Variants in ZNF483 observed in about 807,000 individuals in gnomAD.
ZNF483 encodes zinc finger protein 483, also known as zinc finger protein HIT-10.
Under a neutral mutation model 28.6 loss-of-function variants are expected in ZNF483, and 9 were observed. That is an observed-to-expected ratio of 0.32 (90% confidence interval 0.19 to 0.55). The LOEUF (loss-of-function observed/expected upper bound fraction) is 0.55, where lower values mean the gene tolerates loss of function less well. ZNF483 is among the 20% of genes least tolerant of loss of function. ZNF483 has a pLI of 0.93. For missense variants in ZNF483, 675 were observed against 871.7 expected (o/e 0.77, Z 2.84); for synonymous variants, 322 against 306.2 (o/e 1.05, Z -0.54).
Position 111,549,904 on chromosome 9 carries a change from G to C in ZNF483, c.*6734G>C. ...TTGGTCTTCCTCATGTCCATTTTTT[G>C]TTGGTTTATTTTGTGCCTTTGAATG... On this transcript the variant is annotated 3_prime_UTR_variant, in exon 6 of 6. Transcript: ENST00000309235. 1 of 721,740 alleles carries C rather than the reference G, an allele frequency of 1.4e-6. No individual in the cohort carries two copies. 44.7% of individuals were successfully genotyped at this position (721,740 alleles called of 1,614,324 possible). A position where few individuals can be genotyped will look rare whatever the true frequency, so the allele number is the denominator to read the frequency against.
At position 111,553,462 on chromosome 9, in the gene ZNF483, T is replaced by G. The variant is rs1828031682; in HGVS notation, c.*10292T>G. On this transcript the variant is annotated 3_prime_UTR_variant, in exon 6 of 6. Coordinates refer to ENST00000309235, the MANE Select transcript of ZNF483 (RefSeq NM_133464.5). ...TTTACATAGGTATCACTGTAACTTG[T>G]GCTGTTTGCATAGGTATACTCTATC... 1.3e-5 allele frequency among the ~76,000 whole-genome samples: 2 copies of G among 152,220 alleles called. No individual in the cohort carries two copies. The highest frequency in any genetic ancestry group is 2.9e-5 in the Non-Finnish European group (2 of 68,026).
rs1827856597 is a variant in ZNF483, at chr9:111,548,570, C to T, written c.*5400C>T. ...ATCTGCAAATAGATAATTTTTCCTT[C>T]TTCCTAATTTGGATGGCTTTAACTT... On this transcript the variant is annotated 3_prime_UTR_variant, in exon 6 of 6. Coordinates refer to ENST00000309235, the MANE Select transcript of ZNF483 (RefSeq NM_133464.5). Among the ~76,000 whole-genome samples the T allele has an allele frequency of 6.6e-6, 1 of 152,174 alleles. No homozygotes were observed. The highest frequency in any genetic ancestry group is 1.5e-5 in the Non-Finnish European group (1 of 68,020).
At chr9:111,525,611 C>G (rs1358510200) in intron 1 of ZNF483, among the ~76,000 whole-genome samples, 1 of 152,164 alleles carries the variant, frequency 6.6e-6, no homozygotes, top group South Asian at 2.1e-4. Flanking sequence ...GTCGAGCTAA[C>G]CAAAAATGTG....
At chr9:111,566,158 G>A (rs775427918) in intron 5 of ZNF483, among the ~76,000 whole-genome samples, 10 of 152,024 alleles carry the variant, frequency 6.6e-5, no homozygotes, top group Non-Finnish European at 1.5e-4. Context: ...AGCTGAGATC[G>A]CGCCACTGCA....
intron 5 of ZNF483, among the ~76,000 whole-genome samples, chr9:111,537,492 C>T (rs997090135): frequency 6.6e-6 from 1 of 152,184 alleles, no homozygotes. Context: ...GGTTTACAGG[C>T]GTGAGCCACA....
chr9:111,562,268 GCAGTAA>G (rs1242076687), intron 5 of ZNF483, among the ~76,000 whole-genome samples: 1 of 147,762 alleles, frequency 6.8e-6, no homozygotes, highest in Non-Finnish European at 1.5e-5. Flanking sequence ...GGTCACAGAA[GCAGTAA>G]ACTTTTTTTT....
chr9:111,544,494 C>CCAGGACCAGCTGAG lies in ZNF483; in HGVS notation c.*1324_*1325insCAGGACCAGCTGAG. On this transcript the variant is annotated 3_prime_UTR_variant, in exon 6 of 6. Transcript: ENST00000309235. ...ATTTATGTAAAGCACTCAGCTGGTC[C>CCAGGACCAGCTGAG]TGGGTAGCAGCTGCCACCTTTTGAT... The CCAGGACCAGCTGAG allele has an allele frequency of 2.2e-6, 1 of 461,372 alleles. No individual in the cohort carries two copies. The highest frequency in any genetic ancestry group is 2.9e-6 in the Non-Finnish European group (1 of 350,522). 28.6% of individuals were successfully genotyped at this position (461,372 alleles called of 1,614,324 possible).
intron 5 of ZNF483, among the ~76,000 whole-genome samples, chr9:111,570,362 G>C (rs1282606155): frequency 6.6e-6 from 1 of 152,100 alleles, no homozygotes; most frequent in African/African-American, 2.4e-5. Context: ...CCACGGGACT[G>C]CTGGCCAATC....
chr9:111,530,791 ATATATATATACATATATATATAT>A (rs1564591212), intron 2 of ZNF483, 61 bp from the exon 3 acceptor site: 3 of 75,734 alleles, frequency 4.0e-5, no homozygotes, highest in African/African-American at 1.4e-4. Flanking sequence ...ATATATATAT[ATATATATATACATATATATATAT>A]AAGATTTTTA....
chr9:111,534,499 A>G, intron 5 of ZNF483, 146 bp downstream of exon 5: 1 of 670,464 alleles, frequency 1.5e-6, no homozygotes, highest in Non-Finnish European at 2.5e-6. Flanking sequence ...TGTTCATTTT[A>G]GTGGGGGAGA....
At chr9:111,561,176 AGAAAGAG>A (rs776488815) in intron 5 of ZNF483, among the ~76,000 whole-genome samples, 1,785 of 127,414 alleles carry the variant, frequency 0.014, 65 homozygotes, top group East Asian at 0.075. Flanking sequence ...AGAGAGAGAG[AGAAAGAG>A]AGAGAGATTC....
chr9:111,532,649 G>A (rs1277002189), intron 3 of ZNF483, among the ~76,000 whole-genome samples: 1 of 152,172 alleles, frequency 6.6e-6, no homozygotes, highest in Non-Finnish European at 1.5e-5. Flanking sequence ...CCAAGGTTAT[G>A]GGAATTTGTT....
rs1028388395 is a variant in ZNF483 at position 111,545,130 on chromosome 9, C to T, written c.*1960C>T. Among the ~76,000 whole-genome samples, 10 of 152,182 alleles carry T rather than the reference C, an allele frequency of 6.6e-5. No individual in the cohort carries two copies. The highest frequency in any genetic ancestry group is 2.2e-4 in the African/African-American group (9 of 41,526). ...AATATTGCCGTGTGATAAATTGGTC[C>T]GCATAGTTATTGCTAAGCAGACCAA... On this transcript the variant is annotated 3_prime_UTR_variant, in exon 6 of 6. Transcript: ENST00000309235.
intron 1 of ZNF483, 135 bp from the exon 2 acceptor site, chr9:111,527,133 A>G: frequency 3.5e-6 from 1 of 285,370 alleles, no homozygotes; most frequent in Non-Finnish European, 6.6e-6. Context: ...TTATCCTTTT[A>G]ATTGAGCAGG....
At position 111,566,416 on chromosome 9, in the gene ZNF483, G is replaced by A. The variant is rs181624788; in HGVS notation, c.722-9949G>A. Among the ~76,000 whole-genome samples the A allele has an allele frequency of 2.3e-4, 35 of 152,334 alleles. No homozygotes were observed. The East Asian group carries it at 4.2e-3, about 18-fold the overall frequency. ...CACTGCAAGTGCTATACTGGGAAGA[G>A]TGCCAAGCTCCAGTGGCTGCTGGAG... is the stretch of plus-strand genomic sequence containing the variant. On this transcript the variant is annotated intron_variant, in intron 5 of 5. Coordinates refer to the ZNF483 transcript ENST00000358151.
chr9:111,555,556 G>C (rs1431932729), downstream of ZNF483, among the ~76,000 whole-genome samples: 1 of 152,206 alleles, frequency 6.6e-6, no homozygotes, highest in African/African-American at 2.4e-5. Flanking sequence ...AGGCTTAACT[G>C]ACTCACAGTT....
chr9:111,530,308 C>G (rs1264335935), intron 2 of ZNF483, among the ~76,000 whole-genome samples: 1 of 152,202 alleles, frequency 6.6e-6, no homozygotes, highest in African/African-American at 2.4e-5. Context: ...ATGGAAGCAG[C>G]AAGCCCCTTG....
intron 5 of ZNF483, among the ~76,000 whole-genome samples, chr9:111,540,305 GTTAAC>G (rs1466793374): frequency 2.0e-5 from 3 of 152,112 alleles, no homozygotes; most frequent in Non-Finnish European, 2.9e-5. Context: ...TTGGCCATTA[GTTAAC>G]TTCTAGGTAA....
At chr9:111,539,443 T>C (rs774393643) in intron 5 of ZNF483, 32 of 455,934 alleles carry the variant, frequency 7.0e-5, no homozygotes, top group Non-Finnish European at 1.1e-4. Context: ...CTCTGTTTTT[T>C]AGGAAGTGTG....
Sources: allele counts gnomAD v4.1 joint callset (sites outside exome capture counted in the v4.1 genomes callset), GRCh38; gene constraint gnomAD v4.1.1; transcripts MANE v1.5; gene names NCBI Gene and HGNC (gene_info 2026-07-23, HGNC 2026-07-21).